Variants in MIIP observed in about 807,000 individuals in gnomAD.
MIIP encodes the protein migration and invasion inhibitory protein, also known as migration and invasion-inhibitory protein.
MIIP carries 44 observed loss-of-function variants against 44.8 expected under a neutral mutation model. The observed-to-expected ratio is 0.98, with a 90% CI of 0.77 to 1.26. The LOEUF (loss-of-function observed/expected upper bound fraction) is 1.26. Among genes scored for constraint, MIIP ranks in the 50% most tolerant of loss-of-function variants. The probability of loss-of-function intolerance (pLI) is 0.00; values close to 1 mark genes in which losing one functional copy is unlikely to be tolerated. For synonymous variants in MIIP, 225 were observed against 218.3 expected (o/e 1.03, Z -0.27); for missense variants, 496 against 511.7 (o/e 0.97, Z 0.30).
In MIIP at chr1:12,030,130, C is replaced by T. The variant is rs766406844; in HGVS notation, c.942+6C>T. ...ACACACTGGCCCTGCCCCGGGTGAG[C>T]AGCCACGTGGGGCTGGATGGTGATG... On this transcript the variant is annotated splice_donor_region_variant and intron_variant, in intron 8 of 9. Transcript: ENST00000235332. 1.2e-5 allele frequency: 19 copies of T among 1,611,838 alleles called. No homozygotes were observed. In the South Asian group the frequency reaches 2.1e-4, roughly 18 times the overall value.
chr1:12,020,417 C>G (rs1407945394), intron 1 of MIIP, among the ~76,000 whole-genome samples: 1 of 152,170 alleles, frequency 6.6e-6, no homozygotes, highest in Non-Finnish European at 1.5e-5. Flanking sequence ...CTTGCCCCAG[C>G]CATTTTGGTA....
rs142823759 is a variant in MIIP, at chr1:12,025,209, G to A, written c.547+2292G>A. ...CGAGTAGCAGGTATTACAGGTGTGC[G>A]CCACCACACCCAGCTAATTTTTGCA... On this transcript the variant is annotated intron_variant, in intron 4 of 9. Coordinates refer to ENST00000235332, the MANE Select transcript of MIIP (RefSeq NM_021933.4). Among the ~76,000 whole-genome samples the A allele has an allele frequency of 6.6e-3, 1,002 of 151,662 alleles. 13 individuals are homozygous for A. The highest frequency in any genetic ancestry group is 0.023 in the African/African-American group (944 of 41,282).
At chr1:12,023,381 CTTATTTATTTATTTAT>C (rs71568382) in intron 4 of MIIP, among the ~76,000 whole-genome samples, 27 of 140,158 alleles carry the variant, frequency 1.9e-4, no homozygotes, top group African/African-American at 4.9e-4. Flanking sequence ...TCTTTGTTTT[CTTATTTATTTATTTAT>C]TTATTTATTT....
At chr1:12,020,292 G>T (rs12035709) in intron 1 of MIIP, among the ~76,000 whole-genome samples, 5 of 152,172 alleles carry the variant, frequency 3.3e-5, no homozygotes, top group African/African-American at 1.2e-4. Context: ...AAAGGAGGAA[G>T]AATCCCTTTT....
intron 4 of MIIP, among the ~76,000 whole-genome samples, chr1:12,027,836 A>C (rs1358038945): frequency 6.6e-6 from 1 of 152,092 alleles, no homozygotes; most frequent in Non-Finnish European, 1.5e-5. Flanking sequence ...ATAAATGGCA[A>C]CTCCAAATAC....
chr1:12,026,174 G>A (rs1351427263), intron 4 of MIIP, among the ~76,000 whole-genome samples: 4 of 152,002 alleles, frequency 2.6e-5, no homozygotes, highest in South Asian at 2.1e-4. Context: ...GTGTGGTGGC[G>A]GGCACCTATA....
rs1427732627 is a variant in MIIP, at chr1:12,022,386, C to A, written c.406C>A (p.Pro136Thr). ...EPSGRLGDPG[P>T]QEAQTPRSIL... ...CTCAGGGAGGCTGGGTGATCCAGGA[C>A]CCCAGGAGGCACAGACCCCGAGGTC... Residue 136 changes from proline (P) to threonine (T), a missense_variant, in exon 3 of 10, where the codon CCC becomes ACC. Transcript: ENST00000235332. 1.2e-6 allele frequency: 2 copies of A among 1,608,834 alleles called. No homozygotes were observed. Among genetic ancestry groups the A allele is most frequent in the Non-Finnish European group, 8.5e-7 (1 of 1,178,172 alleles).
intron 4 of MIIP, among the ~76,000 whole-genome samples, chr1:12,027,384 G>T (rs1223946301): frequency 6.6e-6 from 1 of 152,168 alleles, no homozygotes; most frequent in Non-Finnish European, 1.5e-5. Flanking sequence ...GTCATCAGTG[G>T]CCTCCGTGGT....
chr1:12,031,712 C>T lies in MIIP; in HGVS notation c.1081-10C>T. On this transcript the variant is annotated splice_polypyrimidine_tract_variant and intron_variant, in intron 9 of 9. Coordinates refer to ENST00000235332, the MANE Select transcript of MIIP (RefSeq NM_021933.4). ...GTGGCCCCCCTGAGACTTCCCTATT[C>T]CCCATCCAGGCCTCACCAATGCAGA... The T allele has an allele frequency of 6.2e-7, 1 of 1,614,114 alleles. No individual in the cohort carries two copies.
At chr1:12,025,034 TTTTTTG>T (rs982246194) in intron 4 of MIIP, among the ~76,000 whole-genome samples, 6 of 149,692 alleles carry the variant, frequency 4.0e-5, no homozygotes, top group African/African-American at 1.5e-4. Flanking sequence ...CTTCCTTTTT[TTTTTTG>T]TTTTTTGTTT....
chr1:12,022,319 A>G lies in MIIP; in HGVS notation c.339A>G (p.Ser113=), dbSNP rs751455550. The G allele has an allele frequency of 8.7e-6, 14 of 1,613,734 alleles. No individual in the cohort carries two copies. Among genetic ancestry groups the G allele is most frequent in the Non-Finnish European group, 1.2e-5 (14 of 1,180,016 alleles). Residue 113 remains serine (S), a synonymous_variant, in exon 3 of 10, where the codon TCA becomes TCG. Transcript: ENST00000235332. ...QESLGRPRPH[S]APSLGTSSLR... Reference sequence around the variant, plus strand: ...CCCTGGGCCGACCGAGACCCCACTCAGCACCCTCGCTGGGCACCTCAAGCC... The same window carrying G: ...CCCTGGGCCGACCGAGACCCCACTCGGCACCCTCGCTGGGCACCTCAAGCC...
intron 6 of MIIP, 190 bp downstream of exon 6, chr1:12,029,471 C>T: frequency 1.4e-6 from 1 of 727,180 alleles, no homozygotes; most frequent in Non-Finnish European, 2.2e-6. Flanking sequence ...GAGCTAAGGC[C>T]TGGCCACCGA....
At chr1:12,021,504 G>A (rs1026305501) in intron 1 of MIIP, 141 bp from the exon 2 acceptor site, 1 of 564,302 alleles carries the variant, frequency 1.8e-6, no homozygotes, top group Non-Finnish European at 3.2e-6. Context: ...AGATACTGTT[G>A]TCGTCCAGCA....
chr1:12,029,385 G>T, intron 6 of MIIP, 104 bp downstream of exon 6: 1 of 1,286,148 alleles, frequency 7.8e-7, no homozygotes. Flanking sequence ...GCCTGGGGAG[G>T]CCCCTGAGAT....
At chr1:12,019,605 C>T (rs1480569550) in intron 1 of MIIP, 53 bp downstream of exon 1, 1 of 152,338 alleles carries the variant, frequency 6.6e-6, no homozygotes, top group Admixed American at 6.5e-5. Flanking sequence ...GGCAGGAGGC[C>T]CCACGTGCAT....
chr1:12,031,798 A>C lies in MIIP; in HGVS notation c.1157A>C (p.Gln386Pro), dbSNP rs1376309568. Residue 386 changes from glutamine (Q) to proline (P), a missense_variant, in exon 10 of 10, where the codon CAG becomes CCG. Coordinates refer to ENST00000235332, the MANE Select transcript of MIIP (RefSeq NM_021933.4). ...GTCCCTCGGCCCCACGTCCCACGGC[A>C]GAAGCCCTGAGGACTGACTCCTGGG... ...PQVPRPHVPR[Q>P]KP The C allele has an allele frequency of 1.9e-6, 3 of 1,613,638 alleles. No individual in the cohort carries two copies. Among genetic ancestry groups the C allele is most frequent in the Non-Finnish European group, 2.5e-6 (3 of 1,179,848 alleles).
At position 12,031,912 on chromosome 1, in the gene MIIP, A is replaced by G. The variant is rs2295293; in HGVS notation, c.*104A>G. ...TCCCCTGCCCGCCCAGCTCAGGCCC[A>G]GCTGTCCTAGGTTGGGCAGGTGGGT... On this transcript the variant is annotated 3_prime_UTR_variant, in exon 10 of 10. Transcript: ENST00000235332. The G allele has an allele frequency of 1.5e-3, 1,796 of 1,218,588 alleles. 41 individuals carry two copies. In the East Asian group the frequency reaches 0.035, roughly 24 times the overall value. 75.5% of individuals were successfully genotyped at this position (1,218,588 alleles called of 1,614,324 possible). A position where few individuals can be genotyped will look rare whatever the true frequency, so the allele number is the denominator to read the frequency against.
At chr1:12,022,591 T>C in intron 3 of MIIP, 149 bp downstream of exon 3, 1 of 744,318 alleles carries the variant, frequency 1.3e-6, no homozygotes, top group Non-Finnish European at 2.2e-6. Flanking sequence ...TCAGCCTAAA[T>C]GCTCGCTAGG....
chr1:12,022,043 G>C, intron 2 of MIIP, 52 bp from the exon 3 acceptor site: 2 of 1,572,242 alleles, frequency 1.3e-6, no homozygotes, highest in East Asian at 2.2e-5. Context: ...GCGTAGGCCC[G>C]GTGGGTAGGT....
Sources: gnomAD v4.1 joint callset for allele counts (sites outside exome capture counted in the v4.1 genomes callset) on GRCh38, gnomAD v4.1.1 for gene constraint, MANE v1.5 for transcripts, NCBI Gene and HGNC (gene_info 2026-07-23, HGNC 2026-07-21) for gene names.